The following SPTSSB variants were observed in gnomAD, a reference collection of about 807,000 sequenced individuals.
The protein encoded by SPTSSB is serine palmitoyltransferase small subunit B.
SPTSSB carries 6 observed loss-of-function variants against 7.7 expected under a neutral mutation model. The ratio of observed to expected loss-of-function variants is 0.78; its 90% confidence interval spans 0.43 to 1.54. The LOEUF (loss-of-function observed/expected upper bound fraction) is 1.54. Ranked by LOEUF, SPTSSB falls within the 40% of genes most tolerant of loss-of-function variation. The pLI is 0.01. For synonymous variants in SPTSSB, 28 were observed against 29.7 expected, an observed-to-expected ratio of 0.94 and a Z score of 0.19; for missense variants, 91 against 93.0, an observed-to-expected ratio of 0.98 and a Z score of 0.09.
At chr3:161,371,368 A>G in intron 1 of SPTSSB, 67 bp downstream of exon 1, 2 of 961,636 alleles carry the variant, frequency 2.1e-6, no homozygotes, top group Non-Finnish European at 2.5e-6. Flanking sequence ...TTCCTCCTAT[A>G]GAGACAGGAA....
chr3:161,368,696 G>A (rs1715326812), intron 1 of SPTSSB, among the ~76,000 whole-genome samples: 3 of 152,130 alleles, frequency 2.0e-5, no homozygotes, highest in Non-Finnish European at 1.5e-5. Flanking sequence ...AAAGTGCTGG[G>A]ATTACAGGCG....
At chr3:161,363,496 T>C (rs1056462554) in intron 1 of SPTSSB, among the ~76,000 whole-genome samples, 3 of 152,018 alleles carry the variant, frequency 2.0e-5, no homozygotes, top group Admixed American at 2.0e-4. Context: ...TTTCTTTGTT[T>C]ATTAATAGTT....
At chr3:161,364,953 T>G (rs780685615) in intron 1 of SPTSSB, among the ~76,000 whole-genome samples, 15 of 152,210 alleles carry the variant, frequency 9.9e-5, no homozygotes, top group Non-Finnish European at 2.1e-4. Flanking sequence ...ATTCTCTTTT[T>G]AATATTTTTA....
At chr3:161,357,122 G>A (rs61217744) in intron 2 of SPTSSB, among the ~76,000 whole-genome samples, 7,003 of 152,270 alleles carry the variant, frequency 0.046, 235 homozygotes, top group African/African-American at 0.087. Context: ...CTGCTTGGTT[G>A]GTTATACTGC....
intron 1 of SPTSSB, among the ~76,000 whole-genome samples, chr3:161,363,013 C>T (rs1182806194): frequency 6.6e-6 from 1 of 151,548 alleles, no homozygotes; most frequent in East Asian, 1.9e-4. Flanking sequence ...TAAAAGTAAC[C>T]AAATTAATTT....
chr3:161,350,264 A>G (rs1714464278), intron 2 of SPTSSB, among the ~76,000 whole-genome samples: 1 of 152,162 alleles, frequency 6.6e-6, no homozygotes, highest in African/African-American at 2.4e-5. Context: ...TACCTTGGAA[A>G]TATTGCAGAA....
At chr3:161,351,070 A>G (rs1714515820) in intron 2 of SPTSSB, among the ~76,000 whole-genome samples, 2 of 152,172 alleles carry the variant, frequency 1.3e-5, no homozygotes, top group Admixed American at 1.3e-4. Context: ...AAAAATTGTT[A>G]TAGCCAAAGG....
intron 2 of SPTSSB, among the ~76,000 whole-genome samples, chr3:161,350,819 A>C (rs1189026830): frequency 6.6e-6 from 1 of 152,210 alleles, no homozygotes; most frequent in Non-Finnish European, 1.5e-5. Context: ...TGCTTCAGCC[A>C]GGTGGTCAAG....
chr3:161,355,978 T>C (rs1341893996), intron 2 of SPTSSB, among the ~76,000 whole-genome samples: 1 of 152,206 alleles, frequency 6.6e-6, no homozygotes. Flanking sequence ...CAAGTTGGAA[T>C]GGGGCATTAC....
At chr3:161,361,726 A>G (rs2108165364) in intron 1 of SPTSSB, among the ~76,000 whole-genome samples, 2 of 152,248 alleles carry the variant, frequency 1.3e-5, no homozygotes, top group Middle Eastern at 3.4e-3. Flanking sequence ...TCTATTTTCT[A>G]CATGCATTTT....
intron 1 of SPTSSB, among the ~76,000 whole-genome samples, chr3:161,366,697 G>A (rs910064624): frequency 6.6e-5 from 10 of 152,080 alleles, no homozygotes; most frequent in Admixed American, 3.9e-4. Flanking sequence ...GACATCTTGG[G>A]AATTTTTGTC....
At chr3:161,369,985 C>A (rs1715439263) in intron 1 of SPTSSB, among the ~76,000 whole-genome samples, 2 of 152,082 alleles carry the variant, frequency 1.3e-5, no homozygotes, top group South Asian at 4.1e-4. Context: ...TAATTTTCAC[C>A]AGTTATTGTT....
chr3:161,359,905 A>C lies in SPTSSB; in HGVS notation c.-125-11T>G, dbSNP rs1224739139. On this transcript the variant is annotated splice_polypyrimidine_tract_variant and intron_variant, in intron 1 of 2. Coordinates refer to ENST00000620149, the MANE Select transcript of SPTSSB (RefSeq NM_001040100.2). Reference sequence around the variant, plus strand: ...TTGCTGTTTCCTCATCTGCAAAATAAAGATTTGAATTAAATAAACCAAAAG... The same window carrying C: ...TTGCTGTTTCCTCATCTGCAAAATACAGATTTGAATTAAATAAACCAAAAG... 1 of 515,598 alleles carries C rather than the reference A, an allele frequency of 1.9e-6. No individual in the cohort carries two copies. The highest frequency in any genetic ancestry group is 2.1e-5 in the African/African-American group (1 of 48,084). 31.9% of individuals were successfully genotyped at this position (515,598 alleles called of 1,614,324 possible).
intron 1 of SPTSSB, among the ~76,000 whole-genome samples, chr3:161,369,769 A>AG (rs1206042249): frequency 6.6e-6 from 1 of 151,960 alleles, no homozygotes; most frequent in Non-Finnish European, 1.5e-5. Flanking sequence ...CTAGGTTGAG[A>AG]GGGGGCCCTG....
Position 161,371,492 on chromosome 3 carries a change from C to T in SPTSSB, c.-183G>A, listed in dbSNP as rs1235569156. The T allele has an allele frequency of 3.0e-6, 3 of 985,440 alleles. No individual in the cohort carries two copies. The African/African-American group carries it at 5.2e-5, about 17-fold the overall frequency. 61.0% of individuals were successfully genotyped at this position (985,440 alleles called of 1,614,324 possible). A position where few individuals can be genotyped will look rare whatever the true frequency, so the allele number is the denominator to read the frequency against. On this transcript the variant is annotated 5_prime_UTR_variant, in exon 1 of 3. Transcript: ENST00000620149. ...GTGAGCGCCGAGGCTTTGGCTCCTC[C>T]CCAGCTGCTGCGAGCTTCCCACTGC...
At chr3:161,360,217 A>G (rs1714950531) in intron 1 of SPTSSB, among the ~76,000 whole-genome samples, 1 of 152,174 alleles carries the variant, frequency 6.6e-6, no homozygotes, top group African/African-American at 2.4e-5. Flanking sequence ...TTTGGAGCAG[A>G]CTGCTTTTGA....
intron 2 of SPTSSB, among the ~76,000 whole-genome samples, chr3:161,354,375 C>T (rs1451253527): frequency 1.3e-5 from 2 of 152,232 alleles, no homozygotes; most frequent in Non-Finnish European, 2.9e-5. Context: ...CAAGGTCTCG[C>T]TCTGTCACTT....
chr3:161,350,378 A>T (rs1309387747), intron 2 of SPTSSB, among the ~76,000 whole-genome samples: 12 of 152,060 alleles, frequency 7.9e-5, no homozygotes, highest in Admixed American at 7.9e-4. Context: ...TCTCCTGGGG[A>T]AAAAAAAGAC....
At chr3:161,369,340 CTTTCTTT>C (rs1715388736) in intron 1 of SPTSSB, among the ~76,000 whole-genome samples, 1 of 49,160 alleles carries the variant, frequency 2.0e-5, no homozygotes, top group African/African-American at 8.7e-5. Flanking sequence ...TTCTTTCTTT[CTTTCTTT>C]CTTTCTCTTT....
Sources: gnomAD v4.1 joint callset for allele counts (sites outside exome capture counted in the v4.1 genomes callset) on GRCh38, gnomAD v4.1.1 for gene constraint, MANE v1.5 for transcripts, NCBI Gene and HGNC (gene_info 2026-07-23, HGNC 2026-07-21) for gene names.